Variants in SHISA4 observed in about 807,000 individuals in gnomAD.
SHISA4 encodes the protein shisa family member 4.
Under a neutral mutation model 24.2 loss-of-function variants are expected in SHISA4, and 16 were observed. The ratio of observed to expected loss-of-function variants is 0.66; its 90% CI spans 0.45 to 1.00. SHISA4 has a LOEUF of 1.00. SHISA4 is among the 50% of genes least tolerant of loss of function. SHISA4 has a pLI of 0.00. For synonymous variants in SHISA4, 106 were observed against 105.4 expected (o/e 1.01, Z -0.04); for missense variants, 238 against 258.9 (o/e 0.92, Z 0.55).
intron 3 of SHISA4, 91 bp from the exon 4 acceptor site, chr1:201,891,310 A>T: frequency 6.6e-7 from 1 of 1,514,048 alleles, no homozygotes; most frequent in Non-Finnish European, 9.1e-7. Context: ...AGAGGCCAGC[A>T]CCAGGGTGCT....
upstream of SHISA4, chr1:201,888,831 G>A: frequency 2.5e-6 from 1 of 408,010 alleles, no homozygotes; most frequent in Non-Finnish European, 4.2e-6. Context: ...GAGCCGCGCC[G>A]GCTGGGTTAG....
At chr1:201,890,773 A>G (rs1681079002) in intron 3 of SHISA4, among the ~76,000 whole-genome samples, 186 bp downstream of exon 3, 1 of 152,236 alleles carries the variant, frequency 6.6e-6, no homozygotes, top group Non-Finnish European at 1.5e-5. Flanking sequence ...CCTGGGATAT[A>G]TGGAACATCA....
rs755134716 is a variant in SHISA4 at position 201,891,836 on chromosome 1, C to T, written c.584C>T (p.Pro195Leu). 1.4e-5 allele frequency: 23 copies of T among 1,613,972 alleles called. No individual in the cohort carries two copies. The highest frequency in any genetic ancestry group is 2.2e-5 in the East Asian group (1 of 44,892). ...TATATGCCACCACAGCCCTCTTACC[C>T]GGGAGCCTGAGGAACCAGCCATGTC... ...PPYMPPQPSYPGA is the reference protein window; with the variant it reads ...PPYMPPQPSYLGA Residue 195 changes from proline (P) to leucine (L), a missense_variant, in exon 5 of 5, where the codon CCG (proline) becomes CTG (leucine). Coordinates refer to ENST00000362011, the MANE Select transcript of SHISA4 (RefSeq NM_198149.3).
chr1:201,889,661 C>T (rs1681056052), intron 2 of SHISA4, 45 bp downstream of exon 2: 2 of 1,597,386 alleles, frequency 1.3e-6, no homozygotes, highest in African/African-American at 2.7e-5. Context: ...CTATCCTTTT[C>T]TCCAGAGGCC....
At chr1:201,891,752 G>C (rs200829105) in intron 4 of SHISA4, 48 bp from the exon 5 acceptor site, 2 of 1,608,596 alleles carry the variant, frequency 1.2e-6, no homozygotes, top group East Asian at 4.5e-5. Context: ...GTTACTTTTC[G>C]TCCACCTATG....
At chr1:201,891,356 C>T in intron 3 of SHISA4, 45 bp from the exon 4 acceptor site, 1 of 1,612,144 alleles carries the variant, frequency 6.2e-7, no homozygotes. Context: ...GGAGGCTTCC[C>T]ATAGGAGATG....
chr1:201,889,656 C>T, intron 2 of SHISA4, 40 bp downstream of exon 2: 1 of 1,606,610 alleles, frequency 6.2e-7, no homozygotes, highest in Non-Finnish European at 8.5e-7. Flanking sequence ...CTCCTCTATC[C>T]TTTTCTCCAG....
chr1:201,891,677 C>T, intron 4 of SHISA4, 109 bp downstream of exon 4: 2 of 1,540,690 alleles, frequency 1.3e-6, no homozygotes, highest in Non-Finnish European at 1.8e-6. Flanking sequence ...ACTTCCTCCA[C>T]CTCTAGCCCG....
rs564288888 is a variant in SHISA4, at chr1:201,889,583, C to A, written c.212C>A (p.Thr71Asn). The A allele has an allele frequency of 8.7e-6, 14 of 1,613,886 alleles. No homozygotes were observed. The East Asian group carries it at 2.9e-4, about 33-fold the overall frequency. The change falls in exon 2 of 5, where the codon ACC becomes AAC. Residue 71 changes from threonine (T) to asparagine (N), a missense_variant. By Grantham distance (65) the Thr-to-Asn change is moderately conservative. Coordinates refer to ENST00000362011, the MANE Select transcript of SHISA4 (RefSeq NM_198149.3). The stretch of plus-strand genomic sequence containing the variant: ...TGCAGGGACCTGACCTTGCTTATCA[C>A]CGAGAGGCAGCAGAAGCACTGCCTG... ...YCCRDLTLLI[T>N]ERQQKHCLAF... is the part of the protein sequence containing the mutation.
Position 201,891,393 on chromosome 1 carries a change from C to A in SHISA4, c.380-8C>A, listed in dbSNP as rs1488038248. On this transcript the variant is annotated splice_region_variant and splice_polypyrimidine_tract_variant and intron_variant, in intron 3 of 4. Transcript: ENST00000362011. The stretch of plus-strand genomic sequence containing the variant: ...GTCTCTGAATGCTGATCCTTCTCCC[C>A]CATCTAGGCCAGGAGATTCCAATGA... 6.2e-7 allele frequency: 1 copy of A among 1,613,800 alleles called. No homozygotes were observed. Among genetic ancestry groups the A allele is most frequent in the Non-Finnish European group, 8.5e-7 (1 of 1,179,856 alleles).
chr1:201,889,376 G>C (rs1681048325), intron 1 of SHISA4, 69 bp from the exon 2 acceptor site: 1 of 1,590,040 alleles, frequency 6.3e-7, no homozygotes, highest in Non-Finnish European at 8.5e-7. Context: ...CGCCGGGGGA[G>C]TGGGGCCGAG....
chr1:201,891,266 G>A, intron 3 of SHISA4, 135 bp from the exon 4 acceptor site: 1 of 988,432 alleles, frequency 1.0e-6, no homozygotes, highest in East Asian at 2.4e-5. Context: ...CAAGCAGGGT[G>A]TGGGAGGCAA....
At chr1:201,889,823 C>G (rs1471216988) in intron 2 of SHISA4, among the ~76,000 whole-genome samples, 1 of 152,210 alleles carries the variant, frequency 6.6e-6, no homozygotes, top group Non-Finnish European at 1.5e-5. Context: ...TAGTTACCTT[C>G]ATAGGCTTTG....
intron 2 of SHISA4, among the ~76,000 whole-genome samples, chr1:201,890,090 A>G (rs1189036896): frequency 1.3e-5 from 2 of 152,212 alleles, no homozygotes. Context: ...AATATATCAT[A>G]TATAAAATAG....
chr1:201,889,286 C>T (rs1681046003), intron 1 of SHISA4, 159 bp from the exon 2 acceptor site: 2 of 1,089,408 alleles, frequency 1.8e-6, no homozygotes, highest in South Asian at 1.5e-5. Flanking sequence ...AGGCAGAGGC[C>T]TCGGGGGCTC....
chr1:201,889,330 C>G (rs1157779265), intron 1 of SHISA4, 115 bp from the exon 2 acceptor site: 4 of 1,428,380 alleles, frequency 2.8e-6, no homozygotes, highest in Non-Finnish European at 3.8e-6. Flanking sequence ...AGACAAGGGG[C>G]AACCCTCAGT....
chr1:201,889,108 G>A (rs1242163747), intron 1 of SHISA4, 41 bp downstream of exon 1: 5 of 1,378,260 alleles, frequency 3.6e-6, no homozygotes, highest in Non-Finnish European at 4.8e-6. Flanking sequence ...TGGGATGGGG[G>A]CGGAGGAAGG....
chr1:201,889,903 G>A (rs983680675), intron 2 of SHISA4, among the ~76,000 whole-genome samples: 1 of 152,124 alleles, frequency 6.6e-6, no homozygotes, highest in African/African-American at 2.4e-5. Context: ...GGGGAGGGAG[G>A]GTTCAAGGTT....
chr1:201,890,254 A>G (rs1681068081), intron 2 of SHISA4, among the ~76,000 whole-genome samples, 200 bp from the exon 3 acceptor site: 2 of 152,132 alleles, frequency 1.3e-5, no homozygotes, highest in South Asian at 2.1e-4. Context: ...TATGCTTCAC[A>G]CTAGCCAGCC....
Sources: gnomAD v4.1 joint callset for allele counts (sites outside exome capture counted in the v4.1 genomes callset) on GRCh38, gnomAD v4.1.1 for gene constraint, MANE v1.5 for transcripts, NCBI Gene and HGNC (gene_info 2026-07-23, HGNC 2026-07-21) for gene names.